TRMU: variants seen among roughly 807,000 people sequenced by gnomAD.
The protein encoded by TRMU is tRNA mitochondrial 2-thiouridylase, also known as mitochondrial tRNA-specific 2-thiouridylase 1.
TRMU carries 49 observed loss-of-function variants against 46.9 expected under a neutral mutation model. The observed-to-expected ratio is 1.05, with a 90% CI of 0.83 to 1.33. The LOEUF (loss-of-function observed/expected upper bound fraction) is 1.33. TRMU is among the 40% of genes most tolerant of loss of function. TRMU has a pLI of 0.00. For missense variants in TRMU, 572 were observed against 532.4 expected (o/e 1.07, Z -0.73); for synonymous variants, 241 against 200.9 (o/e 1.20, Z -1.69).
In TRMU at chr22:46,348,648, ATGT is replaced by A. The variant is rs1274451664; in HGVS notation, c.479-1638_479-1636del. Among the ~76,000 whole-genome samples the A allele has an allele frequency of 5.9e-5, 9 of 152,058 alleles. No homozygotes were observed. The highest frequency in any genetic ancestry group is 1.3e-4 in the Non-Finnish European group (9 of 67,978). ...CTCCAGCACAGGCAGCCTCCTCCAA[ATGT>A]TGTTCATTCCTTTCTGTGCTTTTTC... On this transcript the variant is annotated intron_variant, in intron 4 of 10. Transcript: ENST00000645190. The surrounding 1 kb of genome is among the most constrained non-coding windows in gnomAD (Gnocchi z 4.8).
intron 1 of TRMU, 137 bp from the exon 2 acceptor site, chr22:46,337,642 A>T: frequency 8.8e-7 from 1 of 1,130,808 alleles, no homozygotes; most frequent in East Asian, 2.6e-5. Flanking sequence ...CACATGGCAA[A>T]GCAGGGACTG....
chr22:46,346,517 T>C lies in TRMU; in HGVS notation c.451T>C (p.Phe151Leu). The C allele has an allele frequency of 1.9e-6, 3 of 1,612,748 alleles. No individual in the cohort carries two copies. In the South Asian group the frequency reaches 3.3e-5, roughly 18 times the overall value. Residue 151 changes from phenylalanine (F) to leucine (L), a missense_variant, in exon 4 of 11, where the codon TTC (phenylalanine) becomes CTC (leucine). Transcript: ENST00000645190. ...GCACGTTAAGAAGCCCGAAGGGCTT[T>C]TCAGAAATCGGTTTGAAGTTAGAAA... ...QKHVKKPEGL[F>L]RNRFEVRNAV...
chr22:46,345,269 C>T (rs2078222481), intron 3 of TRMU, among the ~76,000 whole-genome samples: 1 of 152,132 alleles, frequency 6.6e-6, no homozygotes, highest in Admixed American at 6.6e-5. Context: ...GACGGGGTTT[C>T]ATCATGTTGG....
Position 46,343,934 on chromosome 22 carries a change from T to G in TRMU, c.355+566T>G, listed in dbSNP as rs551972379. Among the ~76,000 whole-genome samples the G allele has an allele frequency of 2.0e-5, 3 of 152,218 alleles. No individual in the cohort carries two copies. The South Asian group carries it at 6.2e-4, about 32-fold the overall frequency. On this transcript the variant is annotated intron_variant, in intron 3 of 10. Transcript: ENST00000645190. Reference sequence around the variant, plus strand: ...CGGCACTTTCAGCAATGATGTAGATTAGGCTTGCAGATTCAATATGTCAGC... The same window carrying G: ...CGGCACTTTCAGCAATGATGTAGATGAGGCTTGCAGATTCAATATGTCAGC...
In TRMU at chr22:46,335,770, G is replaced by C. The variant is rs758055404; in HGVS notation, c.6G>C (p.Gln2His). Residue 2 changes from glutamine to histidine, a missense_variant, in exon 1 of 11, where the codon CAG (glutamine) becomes CAC (histidine). Physicochemically the swap from Gln to His is conservative, Grantham distance 24. Coordinates refer to ENST00000645190, the MANE Select transcript of TRMU (RefSeq NM_018006.5). Reference protein sequence around the residue: MQALRHVVCALS... With the variant: MHALRHVVCALS... ...CGAAGTTGGGCGACTGGCGGATGCA[G>C]GCCTTGCGGCACGTCGTGTGCGCCC... 1 of 1,551,782 alleles carries C rather than the reference G, an allele frequency of 6.4e-7. No homozygotes were observed.
Position 46,342,589 on chromosome 22 carries a change from G to GGAGACTT in TRMU, c.249-671_249-665dup, listed in dbSNP as rs1434944821. ...CCTAGCACTTTAGGAGGCTGAGGCA[G>GGAGACTT]GAGACTTGCTTGAGGCCTGGAGTTC... is the stretch of plus-strand genomic sequence containing the variant. On this transcript the variant is annotated intron_variant, in intron 2 of 10. Transcript: ENST00000645190. The surrounding 1 kb of genome is among the most constrained non-coding windows in gnomAD (Gnocchi z 4.7). Among the ~76,000 whole-genome samples the GGAGACTT allele has an allele frequency of 6.6e-6, 1 of 152,254 alleles. No homozygotes were observed. The highest frequency in any genetic ancestry group is 1.5e-5 in the Non-Finnish European group (1 of 68,048).
At chr22:46,355,378 C>G in intron 8 of TRMU, 66 bp from the exon 9 acceptor site, 1 of 1,589,606 alleles carries the variant, frequency 6.3e-7, no homozygotes, top group East Asian at 2.3e-5. Flanking sequence ...TCCCAGGGAC[C>G]ACACTGAGGC....
intron 4 of TRMU, among the ~76,000 whole-genome samples, chr22:46,346,928 C>T (rs1272192127): frequency 6.6e-6 from 1 of 152,260 alleles, no homozygotes; most frequent in Non-Finnish European, 1.5e-5. Context: ...CAAGGGCGTG[C>T]GGTTCAGGCA....
chr22:46,349,194 G>A lies in TRMU; in HGVS notation c.479-1097G>A, dbSNP rs375460010. On this transcript the variant is annotated intron_variant, in intron 4 of 10. Coordinates refer to ENST00000645190, the MANE Select transcript of TRMU (RefSeq NM_018006.5). This position sits in a 1 kb window ranked among gnomAD's most constrained non-coding sequence, Gnocchi z 4.6. ...TGCTCTGCTTCCGTGGCGACTGGTC[G>A]GCTGAACTTGGTCTCACTTGTCACT... Among the ~76,000 whole-genome samples, 14 of 151,688 alleles carry A rather than the reference G, an allele frequency of 9.2e-5. No homozygotes were observed. Among genetic ancestry groups the A allele is most frequent in the African/African-American group, 1.2e-4 (5 of 41,256 alleles).
intron 10 of TRMU, chr22:46,356,549 C>T (rs2078614431): frequency 4.1e-6 from 2 of 490,106 alleles, no homozygotes; most frequent in East Asian, 3.5e-5. Context: ...CACAGCTCCA[C>T]ATTCCCAAGG....
rs189593492 is a variant in TRMU, at chr22:46,356,598, G to C, written c.1102-244G>C. ...GCCAGTCCCTTGGAGTCCCAGGAGAGGCCCCTGTGACTGTCCCACTCAGGG... is the reference window on the plus strand; with the variant it reads ...GCCAGTCCCTTGGAGTCCCAGGAGACGCCCCTGTGACTGTCCCACTCAGGG... On this transcript the variant is annotated intron_variant, in intron 10 of 10. Transcript: ENST00000645190. The C allele has an allele frequency of 6.9e-5, 39 of 561,852 alleles. No individual in the cohort carries two copies. The East Asian group carries it at 1.1e-3, about 16-fold the overall frequency. 34.8% of individuals were successfully genotyped at this position (561,852 alleles called of 1,614,324 possible).
chr22:46,355,369 C>T, intron 8 of TRMU, 75 bp from the exon 9 acceptor site: 3 of 1,577,180 alleles, frequency 1.9e-6, no homozygotes, highest in East Asian at 2.3e-5. Context: ...GACAGTTGTT[C>T]CCAGGGACCA....
chr22:46,355,406 GC>G, intron 8 of TRMU, 37 bp from the exon 9 acceptor site: 1 of 1,607,042 alleles, frequency 6.2e-7, no homozygotes. Flanking sequence ...GGGGCCAGGT[GC>G]CCCTCGGCGT....
rs1301862965 is a variant in TRMU, at chr22:46,349,917, G to T, written c.479-374G>T. On this transcript the variant is annotated intron_variant, in intron 4 of 10. Coordinates refer to ENST00000645190, the MANE Select transcript of TRMU (RefSeq NM_018006.5). This position sits in a 1 kb window ranked among gnomAD's most constrained non-coding sequence, Gnocchi z 4.6. ...AAGGCACAGCTGACACTATATCAGTGGAATTTTCTGCCAGCAACTAGCTTA... is the reference window on the plus strand; with the variant it reads ...AAGGCACAGCTGACACTATATCAGTTGAATTTTCTGCCAGCAACTAGCTTA... Among the ~76,000 whole-genome samples the T allele has an allele frequency of 6.6e-6, 1 of 151,882 alleles. No homozygotes were observed.
chr22:46,357,151 G>A lies in TRMU; in HGVS notation c.*145G>A. On this transcript the variant is annotated 3_prime_UTR_variant, in exon 11 of 11. Transcript: ENST00000645190. The stretch of plus-strand genomic sequence containing the variant: ...CTGAGGGTCCGAAAAGCCTGCAGGG[G>A]CCCGGCGAGCCCCAGGAAGAGCCTC... 1 of 1,080,766 alleles carries A rather than the reference G, an allele frequency of 9.3e-7. No individual in the cohort carries two copies. Among genetic ancestry groups the A allele is most frequent in the Non-Finnish European group, 1.4e-6 (1 of 737,832 alleles). The allele number at this position is 1,080,766 out of a possible 1,614,324, so 66.9% of individuals were successfully genotyped here.
Position 46,342,057 on chromosome 22 carries a change from G to A in TRMU, c.249-1205G>A, listed in dbSNP as rs1255181270. Among the ~76,000 whole-genome samples, 2 of 152,192 alleles carry A rather than the reference G, an allele frequency of 1.3e-5. No homozygotes were observed. Among genetic ancestry groups the A allele is most frequent in the Admixed American group, 6.5e-5 (1 of 15,282 alleles). The stretch of plus-strand genomic sequence containing the variant: ...CCCCATACAGCAAGCAGTGGACACC[G>A]ACTGGGTGTCCTCTGATTCAGTTCC... On this transcript the variant is annotated intron_variant, in intron 2 of 10. Transcript: ENST00000645190. The surrounding 1 kb of genome is among the most constrained non-coding windows in gnomAD (Gnocchi z 4.7).
At chr22:46,341,669 G>A (rs1004196942) in intron 2 of TRMU, among the ~76,000 whole-genome samples, 4 of 151,956 alleles carry the variant, frequency 2.6e-5, no homozygotes, top group African/African-American at 9.7e-5. Context: ...TCCCAAAATA[G>A]GCATCATAAC....
At chr22:46,355,755 C>T (rs1159453136) in intron 9 of TRMU, 167 bp downstream of exon 9, 12 of 1,273,492 alleles carry the variant, frequency 9.4e-6, no homozygotes, top group South Asian at 3.9e-5. Flanking sequence ...CTGCCCTGAG[C>T]GAGGCCTGGG....
At position 46,352,471 on chromosome 22, in the gene TRMU, G is replaced by T. The variant is rs373117833; in HGVS notation, c.772+141G>T. 19 of 965,644 alleles carry T rather than the reference G, an allele frequency of 2.0e-5. No homozygotes were observed. The Admixed American group carries it at 3.5e-4, about 18-fold the overall frequency. The allele number at this position is 965,644 out of a possible 1,614,324, so 59.8% of individuals were successfully genotyped here. A position where few individuals can be genotyped will look rare whatever the true frequency, so the allele number is the denominator to read the frequency against. On this transcript the variant is annotated intron_variant, in intron 7 of 10. Transcript: ENST00000645190. ...AAGGCTCTGTGGGGCGGCCGGGGGC[G>T]GGCACGGCCTAGGGTGGAACAGTTG...
Sources: allele counts gnomAD v4.1 joint callset (sites outside exome capture counted in the v4.1 genomes callset), GRCh38; gene constraint gnomAD v4.1.1; non-coding constraint Gnocchi (gnomAD v3.1); transcripts MANE v1.5; gene names NCBI Gene and HGNC (gene_info 2026-07-23, HGNC 2026-07-21).